Variants in KCNK2 observed in about 807,000 individuals in gnomAD.
The protein encoded by KCNK2 is potassium two pore domain channel subfamily K member 2.
A neutral mutation model predicts 40.5 loss-of-function variants in KCNK2; 21 were observed. The ratio of observed to expected loss-of-function variants is 0.52; its 90% CI spans 0.37 to 0.75. The LOEUF (loss-of-function observed/expected upper bound fraction) is 0.75, where lower values mean the gene tolerates loss of function less well. Ranked by LOEUF, KCNK2 falls within the 30% of genes least tolerant of loss-of-function variation. KCNK2 has a pLI of 0.00. For missense variants in KCNK2, 399 were observed against 531.6 expected, an observed-to-expected ratio of 0.75 and a Z score of 2.45; for synonymous variants, 191 against 202.2, an observed-to-expected ratio of 0.94 and a Z score of 0.47.
intron 5 of KCNK2, among the ~76,000 whole-genome samples, chr1:215,172,575 T>A (rs1446993254): frequency 1.3e-5 from 2 of 152,162 alleles, no homozygotes; most frequent in African/African-American, 4.8e-5. Flanking sequence ...CCAGTCAAAT[T>A]ATATTATAGG....
intron 3 of KCNK2, among the ~76,000 whole-genome samples, chr1:215,134,214 T>G (rs2102592866): frequency 6.6e-6 from 1 of 152,148 alleles, no homozygotes. Flanking sequence ...ACCAGCTGGG[T>G]TTCCTCTACT....
At chr1:215,104,030 C>A (rs749598508) in intron 2 of KCNK2, among the ~76,000 whole-genome samples, 2 of 151,762 alleles carry the variant, frequency 1.3e-5, no homozygotes, top group Admixed American at 6.6e-5. Context: ...AAAGAACCAG[C>A]AAAAAATGGT....
At chr1:215,073,288 A>G (rs1255633131) in intron 1 of KCNK2, among the ~76,000 whole-genome samples, 1 of 152,188 alleles carries the variant, frequency 6.6e-6, no homozygotes, top group African/African-American at 2.4e-5. Flanking sequence ...CTTCAGCTAC[A>G]TGAGTTTTTG....
chr1:215,087,262 T>C (rs1659486159), intron 2 of KCNK2, among the ~76,000 whole-genome samples: 1 of 152,240 alleles, frequency 6.6e-6, no homozygotes, highest in Non-Finnish European at 1.5e-5. Context: ...ACTACCTTTT[T>C]AAAGTATCTG....
In KCNK2 at chr1:215,236,057, T is replaced by A. The variant is rs1395056785; in HGVS notation, c.*912T>A. ...GGCAGAAGAAGAAAATCTATCTATC[T>A]ATCTATCTATCTATCTATCTATCTA... On this transcript the variant is annotated 3_prime_UTR_variant, in exon 7 of 7. Transcript: ENST00000444842. 1 of 34,698 alleles carries A rather than the reference T, an allele frequency of 2.9e-5. No individual in the cohort carries two copies. Among genetic ancestry groups the A allele is most frequent in the African/African-American group, 8.0e-5 (1 of 12,442 alleles). The allele number at this position is 34,698 out of a possible 1,614,324, so 2.1% of individuals were successfully genotyped here. A position where few individuals can be genotyped will look rare whatever the true frequency, so the allele number is the denominator to read the frequency against.
chr1:215,021,382 CAGGAGAGGT>C (rs1487303916), intron 1 of KCNK2, among the ~76,000 whole-genome samples: 1 of 88,750 alleles, frequency 1.1e-5, no homozygotes, highest in Non-Finnish European at 2.9e-5. Context: ...AGGGTGTTTC[CAGGAGAGGT>C]TGGCATCTGA....
chr1:215,198,284 G>T (rs748500063), intron 6 of KCNK2, among the ~76,000 whole-genome samples: 4 of 152,234 alleles, frequency 2.6e-5, no homozygotes, highest in Non-Finnish European at 5.9e-5. Flanking sequence ...ACCCTCCAAA[G>T]TTTCAGCTGC....
chr1:215,145,879 A>G (rs1392628748), intron 3 of KCNK2, among the ~76,000 whole-genome samples: 1 of 152,184 alleles, frequency 6.6e-6, no homozygotes, highest in Non-Finnish European at 1.5e-5. Context: ...TTAATGCTAC[A>G]GAATTATTTT....
intron 3 of KCNK2, among the ~76,000 whole-genome samples, chr1:215,143,695 A>C: frequency 6.6e-6 from 1 of 152,092 alleles, no homozygotes; most frequent in East Asian, 1.9e-4. Context: ...ATAACCTCTT[A>C]ACTCTGACCT....
At chr1:215,144,648 T>A (rs1662333678) in intron 3 of KCNK2, among the ~76,000 whole-genome samples, 2 of 152,134 alleles carry the variant, frequency 1.3e-5, no homozygotes, top group African/African-American at 4.8e-5. Flanking sequence ...CCACTTTGTG[T>A]AGTGATGGGG....
chr1:215,109,233 C>G (rs1276423531), intron 2 of KCNK2, among the ~76,000 whole-genome samples: 2 of 151,984 alleles, frequency 1.3e-5, no homozygotes, highest in African/African-American at 2.4e-5. Context: ...ACCAGCTACT[C>G]TAAAATATAT....
chr1:215,092,433 C>T (rs1273352182), intron 2 of KCNK2, among the ~76,000 whole-genome samples: 1 of 152,126 alleles, frequency 6.6e-6, no homozygotes, highest in African/African-American at 2.4e-5. Context: ...TGGGATGCCA[C>T]ATAGCAGGGC....
chr1:215,010,628 C>T (rs1281396906), intron 1 of KCNK2, among the ~76,000 whole-genome samples: 1 of 152,066 alleles, frequency 6.6e-6, no homozygotes, highest in East Asian at 1.9e-4. Flanking sequence ...CATTAGGCTG[C>T]TTTTGTTCTT....
intron 1 of KCNK2, among the ~76,000 whole-genome samples, chr1:215,031,858 A>G (rs949805567): frequency 1.7e-4 from 26 of 152,106 alleles, no homozygotes; most frequent in Non-Finnish European, 1.6e-4. Flanking sequence ...ACTTTTTAAA[A>G]TGCTTGTCCT....
rs1656694174 is a variant in KCNK2 at position 215,019,011 on chromosome 1, A to G, written c.34+13056A>G. On this transcript the variant is annotated intron_variant, in intron 1 of 6. Transcript: ENST00000391895. ...CACACACACACACAAAAAAAAAACC[A>G]TCTAAGAAAGACCCTTTGCTCTCTG... 1.4e-5 allele frequency among the ~76,000 whole-genome samples: 2 copies of G among 145,866 alleles called. 1 individual carries two copies. Among genetic ancestry groups the G allele is most frequent in the Admixed American group, 1.4e-4 (2 of 14,442 alleles).
chr1:215,051,140 A>G (rs1183534325), intron 1 of KCNK2, among the ~76,000 whole-genome samples: 2 of 152,108 alleles, frequency 1.3e-5, no homozygotes, highest in African/African-American at 2.4e-5. Context: ...CACAGGTGCA[A>G]TCATTTTATA....
At chr1:215,146,270 G>T (rs181324392) in intron 3 of KCNK2, among the ~76,000 whole-genome samples, 5 of 152,094 alleles carry the variant, frequency 3.3e-5, no homozygotes, top group Non-Finnish European at 5.9e-5. Flanking sequence ...GCCCTTCAAC[G>T]TTTAGCTGCA....
At chr1:215,113,701 T>C (rs1157495624) in intron 2 of KCNK2, among the ~76,000 whole-genome samples, 2 of 152,196 alleles carry the variant, frequency 1.3e-5, no homozygotes, top group East Asian at 3.9e-4. Context: ...GTTCAAGCGA[T>C]TCTTATGCCT....
chr1:215,163,699 C>T (rs562190008), intron 3 of KCNK2, among the ~76,000 whole-genome samples: 54 of 152,060 alleles, frequency 3.6e-4, no homozygotes, highest in Non-Finnish European at 6.2e-4. Flanking sequence ...GTCATTGTTT[C>T]TGTTTATGTG....
Sources: allele counts gnomAD v4.1 joint callset (sites outside exome capture counted in the v4.1 genomes callset), GRCh38; gene constraint gnomAD v4.1.1; transcripts MANE v1.5; gene names NCBI Gene and HGNC (gene_info 2026-07-23, HGNC 2026-07-21).